Variants in UBN2 observed in about 807,000 individuals in gnomAD.
UBN2 encodes the protein ubinuclein 2, also known as ubinuclein-2.
UBN2 carries 35 observed loss-of-function variants against 120.2 expected under a neutral mutation model. The observed-to-expected ratio is 0.29, with a 90% CI of 0.22 to 0.39. The LOEUF (loss-of-function observed/expected upper bound fraction) is 0.39. Ranked by LOEUF, UBN2 falls within the 10% of genes least tolerant of loss-of-function variation. The pLI is 1.00. For missense variants in UBN2, 1,693 were observed against 1,663.2 expected (o/e 1.02, Z -0.31); for synonymous variants, 661 against 648.7 (o/e 1.02, Z -0.29).
At chr7:139,252,913 G>GTGAGGC in intron 3 of UBN2, among the ~76,000 whole-genome samples, 1 of 152,262 alleles carries the variant, frequency 6.6e-6, no homozygotes, top group African/African-American at 2.4e-5. Context: ...ATTTCTGGAG[G>GTGAGGC]TGAGGCCTAC....
intron 7 of UBN2, among the ~76,000 whole-genome samples, chr7:139,268,618 GT>G (rs751378226): frequency 1.1e-4 from 17 of 152,066 alleles, no homozygotes; most frequent in Non-Finnish European, 1.9e-4. Flanking sequence ...GCTCATAAAT[GT>G]TTTTTTCTTT....
At chr7:139,293,735 T>C in intron 16 of UBN2, 154 bp from the exon 17 acceptor site, 1 of 696,860 alleles carries the variant, frequency 1.4e-6, no homozygotes, top group Non-Finnish European at 2.4e-6. Flanking sequence ...TACACATACA[T>C]TAACATAAGT....
chr7:139,304,411 A>C lies in UBN2; in HGVS notation c.*6575A>C, dbSNP rs572914544. 1 of 152,322 alleles carries C rather than the reference A, an allele frequency of 6.6e-6. No individual in the cohort carries two copies. The highest frequency in any genetic ancestry group is 1.9e-4 in the East Asian group (1 of 5,192). The allele number at this position is 152,322 out of a possible 1,614,324, so 9.4% of individuals were successfully genotyped here. On this transcript the variant is annotated 3_prime_UTR_variant, in exon 18 of 18. Coordinates refer to ENST00000473989, the MANE Select transcript of UBN2 (RefSeq NM_173569.4). ...TTTATCCCACCTTCCATCCCTGTAT[A>C]TTAAGTAGTACTACTACATAGAATT...
In UBN2 at chr7:139,259,326, G is replaced by A; in HGVS notation, c.861G>A (p.Gly287=). 2 of 1,613,872 alleles carry A rather than the reference G, an allele frequency of 1.2e-6. No homozygotes were observed. The highest frequency in any genetic ancestry group is 1.7e-5 in the Admixed American group (1 of 60,000). ...AGAAGCGGAAGCGGAAAGAGGAAGG[G>A]GAAAAGGAGAAGAAGCCAAGGAAAA... ...EMKKRKRKEE[G]EKEKKPRKKV... Residue 287 remains glycine, a synonymous_variant, in exon 5 of 18, where the codon GGG becomes GGA. Coordinates refer to ENST00000473989, the MANE Select transcript of UBN2 (RefSeq NM_173569.4).
intron 8 of UBN2, among the ~76,000 whole-genome samples, chr7:139,270,714 A>G (rs758612423): frequency 5.3e-5 from 8 of 152,000 alleles, no homozygotes; most frequent in Non-Finnish European, 1.2e-4. Context: ...AAAAGTAATC[A>G]TCTAGGAACC....
intron 3 of UBN2, among the ~76,000 whole-genome samples, chr7:139,254,011 CG>C (rs1394235379): frequency 6.6e-6 from 1 of 152,128 alleles, no homozygotes; most frequent in Non-Finnish European, 1.5e-5. Context: ...TCTGCTGTCA[CG>C]GCCGGGTGCG....
chr7:139,257,175 G>A (rs1396319772), intron 3 of UBN2, among the ~76,000 whole-genome samples: 1 of 152,074 alleles, frequency 6.6e-6, no homozygotes, highest in Non-Finnish European at 1.5e-5. Flanking sequence ...CCTTCACTTA[G>A]TGTTTGCTTT....
intron 15 of UBN2, among the ~76,000 whole-genome samples, chr7:139,287,913 G>C (rs1057335594): frequency 5.9e-5 from 9 of 152,234 alleles, no homozygotes; most frequent in Non-Finnish European, 1.0e-4. Context: ...GTGGGTGTCT[G>C]CTCATTTGCA....
intron 2 of UBN2, among the ~76,000 whole-genome samples, chr7:139,247,385 C>T (rs1026227618): frequency 6.6e-6 from 1 of 152,130 alleles, no homozygotes; most frequent in Non-Finnish European, 1.5e-5. Context: ...ACAGTGGAAA[C>T]ACTAATTTCA....
At chr7:139,257,783 G>C (rs1036562398) in intron 3 of UBN2, among the ~76,000 whole-genome samples, 7 of 152,112 alleles carry the variant, frequency 4.6e-5, no homozygotes, top group Non-Finnish European at 8.8e-5. Flanking sequence ...AATAGTTTCT[G>C]TTAAACAGAA....
At chr7:139,233,290 C>G (rs762526290) in intron 1 of UBN2, among the ~76,000 whole-genome samples, 1 of 152,162 alleles carries the variant, frequency 6.6e-6, no homozygotes, top group African/African-American at 2.4e-5. Context: ...AATGCCCCTT[C>G]TTTATAAATC....
rs1348095119 is a variant in UBN2 at position 139,298,584 on chromosome 7, C to G, written c.*748C>G. The G allele has an allele frequency of 6.6e-6, 1 of 151,744 alleles. No homozygotes were observed. Among genetic ancestry groups the G allele is most frequent in the Non-Finnish European group, 1.5e-5 (1 of 67,966 alleles). The allele number at this position is 151,744 out of a possible 1,614,324, so 9.4% of individuals were successfully genotyped here. On this transcript the variant is annotated 3_prime_UTR_variant, in exon 18 of 18. Transcript: ENST00000473989. ...TTGTAAAAGGGTCAATTTCATCTTCCGTTCAGAAGCAGGTACTTAACTCTT... is the reference window on the plus strand; with the variant it reads ...TTGTAAAAGGGTCAATTTCATCTTCGGTTCAGAAGCAGGTACTTAACTCTT...
Position 139,283,199 on chromosome 7 carries a change from C to T in UBN2, c.2294C>T (p.Pro765Leu), listed in dbSNP as rs767356049. 5 of 1,612,724 alleles carry T rather than the reference C, an allele frequency of 3.1e-6. No individual in the cohort carries two copies. In the South Asian group the frequency reaches 5.5e-5, roughly 18 times the overall value. Residue 765 changes from proline (P) to leucine (L), a missense_variant, in exon 15 of 18, where the codon CCT (proline) becomes CTT (leucine). Pro to Leu is a moderately conservative substitution (Grantham distance 98). Coordinates refer to ENST00000473989, the MANE Select transcript of UBN2 (RefSeq NM_173569.4). The stretch of plus-strand genomic sequence containing the variant: ...GATGAAGACCTTTCTTTCCATTCAC[C>T]TTCACTGGATCTTGTTTCTGAAGCT... ...SLDEDLSFHS[P>L]SLDLVSEALA...
At chr7:139,320,754 G>A in the UBN2 span, among the ~76,000 whole-genome samples, 1 of 151,880 alleles carries the variant, frequency 6.6e-6, no homozygotes, top group African/African-American at 2.4e-5. Flanking sequence ...CTACTCAGGA[G>A]GCTGAGGCAG....
At chr7:139,269,732 G>A (rs924180555) in intron 8 of UBN2, among the ~76,000 whole-genome samples, 5 of 152,272 alleles carry the variant, frequency 3.3e-5, no homozygotes, top group South Asian at 4.1e-4. Context: ...TGTTTTCTAC[G>A]GCATAGATTG....
At chr7:139,253,807 G>T (rs1401502392) in intron 3 of UBN2, among the ~76,000 whole-genome samples, 3 of 152,224 alleles carry the variant, frequency 2.0e-5, no homozygotes, top group African/African-American at 7.2e-5. Context: ...TCTGCAATGT[G>T]CAGTAATTAA....
rs1798164277 is a variant in UBN2, at chr7:139,298,228, G to T, written c.*392G>T. On this transcript the variant is annotated 3_prime_UTR_variant, in exon 18 of 18. Coordinates refer to ENST00000473989, the MANE Select transcript of UBN2 (RefSeq NM_173569.4). The stretch of plus-strand genomic sequence containing the variant: ...GATCTGAACACTTACAGACATAATT[G>T]GTAATAAAAGGCATTAAAAACTGGA... 5.6e-6 allele frequency: 1 copy of T among 177,074 alleles called. No homozygotes were observed. Among genetic ancestry groups the T allele is most frequent in the Non-Finnish European group, 1.2e-5 (1 of 84,084 alleles). The allele number at this position is 177,074 out of a possible 1,614,324, so 11.0% of individuals were successfully genotyped here. A position where few individuals can be genotyped will look rare whatever the true frequency, so the allele number is the denominator to read the frequency against.
intron 2 of UBN2, among the ~76,000 whole-genome samples, chr7:139,238,768 C>T (rs748430453): frequency 5.9e-5 from 9 of 152,026 alleles, no homozygotes; most frequent in Non-Finnish European, 1.0e-4. Context: ...CAGATTTTTC[C>T]GAGACCCTAT....
chr7:139,232,101 C>T (rs946087023), intron 1 of UBN2, 149 bp downstream of exon 1: 13 of 704,230 alleles, frequency 1.8e-5, no homozygotes, highest in Non-Finnish European at 2.6e-5. Context: ...AGCGGGTGGA[C>T]GGGGCGGTGA....
Sources: allele counts gnomAD v4.1 joint callset (sites outside exome capture counted in the v4.1 genomes callset), GRCh38; gene constraint gnomAD v4.1.1; transcripts MANE v1.5; gene names NCBI Gene and HGNC (gene_info 2026-07-23, HGNC 2026-07-21).